MDGA1: variants seen among roughly 807,000 people sequenced by gnomAD.
MDGA1 encodes MAM domain containing glycosylphosphatidylinositol anchor 1, also known as MAM domain-containing glycosylphosphatidylinositol anchor protein 1.
Under a neutral mutation model 101.5 loss-of-function variants are expected in MDGA1, and 54 were observed. The ratio of observed to expected loss-of-function variants is 0.53; its 90% CI spans 0.43 to 0.67. The LOEUF (loss-of-function observed/expected upper bound fraction) is 0.67, where lower values mean the gene tolerates loss of function less well. Among genes scored for constraint, MDGA1 ranks in the 30% least tolerant of loss-of-function variants. The probability of loss-of-function intolerance (pLI) is 0.00; values close to 1 mark genes in which losing one functional copy is unlikely to be tolerated. For synonymous variants in MDGA1, 533 were observed against 558.3 expected, an observed-to-expected ratio of 0.95 and a Z score of 0.64; for missense variants, 1,083 against 1,323.8, an observed-to-expected ratio of 0.82 and a Z score of 2.82.
Position 37,637,272 on chromosome 6 carries a change from C to T in MDGA1, c.*96G>A, listed in dbSNP as rs1763950568. The T allele has an allele frequency of 1.9e-6, 2 of 1,036,510 alleles. No homozygotes were observed. Among genetic ancestry groups the T allele is most frequent in the South Asian group, 2.9e-5 (2 of 68,380 alleles). The allele number at this position is 1,036,510 out of a possible 1,614,324, so 64.2% of individuals were successfully genotyped here. A position where few individuals can be genotyped will look rare whatever the true frequency, so the allele number is the denominator to read the frequency against. On this transcript the variant is annotated 3_prime_UTR_variant, in exon 17 of 17. Coordinates refer to ENST00000434837, the MANE Select transcript of MDGA1 (RefSeq NM_153487.4). ...CCCTCCCTGGCGGGCCGGCCCTGCC[C>T]CTGGGCACCCCAGCTGGCGGGGGTC...
At chr6:37,681,008 C>T (rs987540212) in intron 1 of MDGA1, among the ~76,000 whole-genome samples, 1 of 150,336 alleles carries the variant, frequency 6.7e-6, no homozygotes, top group South Asian at 2.1e-4. Context: ...CCCCCCCCCC[C>T]AGGAAACCTG....
In MDGA1 at chr6:37,636,627, A is replaced by C. The variant is rs898061584; in HGVS notation, c.*741T>G. On this transcript the variant is annotated 3_prime_UTR_variant, in exon 17 of 17. Coordinates refer to ENST00000434837, the MANE Select transcript of MDGA1 (RefSeq NM_153487.4). ...TGGAGTGGGGAAGTTATCAGTCTTC[A>C]GACTGCCCAGGCCCAAGACCCTGTG... The C allele has an allele frequency of 3.3e-5, 5 of 152,642 alleles. No homozygotes were observed. Among genetic ancestry groups the C allele is most frequent in the African/African-American group, 1.2e-4 (5 of 41,454 alleles). The allele number at this position is 152,642 out of a possible 1,614,324, so 9.5% of individuals were successfully genotyped here.
At chr6:37,691,237 C>T (rs540995005) in intron 1 of MDGA1, among the ~76,000 whole-genome samples, 8 of 152,174 alleles carry the variant, frequency 5.3e-5, no homozygotes, top group South Asian at 2.1e-4. Flanking sequence ...TCAGAAGATC[C>T]GGTGGGACTG....
chr6:37,655,361 G>A lies in MDGA1; in HGVS notation c.579+339C>T, dbSNP rs943081472. The stretch of plus-strand genomic sequence containing the variant: ...CCATGGGAAGAGGAGTCATCTCCTC[G>A]CCCCCAGATCCTGCTGTGCCTGGCC... On this transcript the variant is annotated intron_variant, in intron 4 of 16. Coordinates refer to ENST00000434837, the MANE Select transcript of MDGA1 (RefSeq NM_153487.4). The surrounding 1 kb of genome is among the most constrained non-coding windows in gnomAD (Gnocchi z 5.1). 3.9e-5 allele frequency: 13 copies of A among 334,178 alleles called. No individual in the cohort carries two copies. Among genetic ancestry groups the A allele is most frequent in the Non-Finnish European group, 7.1e-5 (13 of 182,786 alleles). 20.7% of individuals were successfully genotyped at this position (334,178 alleles called of 1,614,324 possible).
rs1428771246 is a variant in MDGA1, at chr6:37,697,195, G to A, written c.-384C>T. ...GCGGCGCTTCGATCCAACAGGCCAC[G>A]GACGACTGACAAACTTGTCGTTTCC... On this transcript the variant is annotated 5_prime_UTR_variant, in exon 1 of 17. Coordinates refer to ENST00000434837, the MANE Select transcript of MDGA1 (RefSeq NM_153487.4). 1.0e-5 allele frequency: 2 copies of A among 194,288 alleles called. No homozygotes were observed. Among genetic ancestry groups the A allele is most frequent in the Non-Finnish European group, 2.1e-5 (2 of 96,722 alleles). 12.0% of individuals were successfully genotyped at this position (194,288 alleles called of 1,614,324 possible).
chr6:37,654,186 C>G, intron 6 of MDGA1, 88 bp downstream of exon 6: 2 of 1,409,010 alleles, frequency 1.4e-6, no homozygotes, highest in Non-Finnish European at 1.9e-6. Flanking sequence ...AGCAGACAGG[C>G]CCCTTTCCTA....
At chr6:37,691,102 C>T (rs1367747076) in intron 1 of MDGA1, among the ~76,000 whole-genome samples, 1 of 152,194 alleles carries the variant, frequency 6.6e-6, no homozygotes, top group African/African-American at 2.4e-5. Flanking sequence ...CCTTCTCCTT[C>T]CATCTTATTC....
chr6:37,690,772 CA>C (rs11388608), intron 1 of MDGA1, among the ~76,000 whole-genome samples: 214 of 128,158 alleles, frequency 1.7e-3, no homozygotes, highest in Admixed American at 4.2e-3. Flanking sequence ...GACTCCACCT[CA>C]AAAAAAAAAA....
intron 7 of MDGA1, among the ~76,000 whole-genome samples, chr6:37,651,808 G>A (rs1279714526): frequency 1.3e-5 from 2 of 152,180 alleles, no homozygotes; most frequent in African/African-American, 2.4e-5. Flanking sequence ...TGAGGGCAGA[G>A]CCTGTTTTGC....
intron 1 of MDGA1, among the ~76,000 whole-genome samples, chr6:37,687,438 G>A (rs1396814547): frequency 1.3e-5 from 2 of 151,590 alleles, no homozygotes; most frequent in Non-Finnish European, 2.9e-5. Flanking sequence ...GCATGGTGGT[G>A]TATGCCTGTA....
chr6:37,651,564 C>T (rs1342609004), intron 7 of MDGA1, among the ~76,000 whole-genome samples: 1 of 152,072 alleles, frequency 6.6e-6, no homozygotes, highest in Non-Finnish European at 1.5e-5. Context: ...ATGCCCTAGA[C>T]ATCAGGCCTA....
In MDGA1 at chr6:37,691,856, G is replaced by A. The variant is rs563697018; in HGVS notation, c.67+4889C>T. The stretch of plus-strand genomic sequence containing the variant: ...CCATGCGCCAGGTTTATACAGAGGC[G>A]TTTCTGCAAGGGCACAAGCACCCCC... On this transcript the variant is annotated intron_variant, in intron 1 of 16. Coordinates refer to ENST00000434837, the MANE Select transcript of MDGA1 (RefSeq NM_153487.4). Among the ~76,000 whole-genome samples, 23 of 152,332 alleles carry A rather than the reference G, an allele frequency of 1.5e-4. No individual in the cohort carries two copies. The East Asian group carries it at 3.7e-3, about 24-fold the overall frequency.
rs1260492648 is a variant in MDGA1 at position 37,654,945 on chromosome 6, G to A, written c.580-13C>T. The A allele has an allele frequency of 6.2e-7, 1 of 1,612,342 alleles. No individual in the cohort carries two copies. Among genetic ancestry groups the A allele is most frequent in the Admixed American group, 1.7e-5 (1 of 59,958 alleles). ...CCTTGGTCTCCCCCTGGGCAGCAGT[G>A]GACCACTGGGGTGAGGTGCCTGCTT... On this transcript the variant is annotated splice_polypyrimidine_tract_variant and intron_variant, in intron 4 of 16. Transcript: ENST00000434837.
Position 37,652,061 on chromosome 6 carries a change from C to T in MDGA1, c.1262G>A (p.Gly421Glu), listed in dbSNP as rs1250345189. 8.7e-6 allele frequency: 14 copies of T among 1,611,800 alleles called. No homozygotes were observed. The highest frequency in any genetic ancestry group is 1.2e-5 in the Non-Finnish European group (14 of 1,179,406). ...GTYLCMASFP[G>E]APVPDLSVEV... ...GACGCTGAGGTCGGGCACGGGTGCCCCTGGGAAAGAAGCCATGCACAGGTA... is the reference window on the plus strand; with the variant it reads ...GACGCTGAGGTCGGGCACGGGTGCCTCTGGGAAAGAAGCCATGCACAGGTA... The change falls in exon 7 of 17, where the codon GGG becomes GAG. Residue 421 changes from glycine (G) to glutamate (E), a missense_variant. This residue lies in a region of MDGA1 where 657 missense variants were observed against 771.4 expected (regional missense o/e 0.85). Transcript: ENST00000434837. This position sits in a 1 kb window ranked among gnomAD's most constrained non-coding sequence, Gnocchi z 4.3.
chr6:37,644,449 A>G (rs769839136), intron 13 of MDGA1, 48 bp downstream of exon 13: 1 of 1,469,936 alleles, frequency 6.8e-7, no homozygotes, highest in Non-Finnish European at 9.0e-7. Flanking sequence ...GGGCCTAGAC[A>G]CCCCCCTGAA....
chr6:37,694,235 G>A (rs1217683332), intron 1 of MDGA1, among the ~76,000 whole-genome samples: 2 of 152,140 alleles, frequency 1.3e-5, no homozygotes, highest in Non-Finnish European at 2.9e-5. Flanking sequence ...TCTCTTCTAG[G>A]GCTGCAGGAT....
chr6:37,683,576 T>C (rs1005969649), intron 1 of MDGA1, among the ~76,000 whole-genome samples: 2 of 152,208 alleles, frequency 1.3e-5, no homozygotes, highest in Non-Finnish European at 2.9e-5. Flanking sequence ...GTGTGTGCAG[T>C]GGTTTAGGAG....
intron 1 of MDGA1, among the ~76,000 whole-genome samples, chr6:37,675,885 A>C (rs4714091): frequency 6.6e-6 from 1 of 152,104 alleles, no homozygotes; most frequent in East Asian, 1.9e-4. Context: ...AGATCTGACA[A>C]GCCTGCACCT....
rs1200671543 is a variant in MDGA1, at chr6:37,635,666, T to G, written c.*1702A>C. 2 of 398,600 alleles carry G rather than the reference T, an allele frequency of 5.0e-6. No homozygotes were observed. The highest frequency in any genetic ancestry group is 8.8e-6 in the Non-Finnish European group (2 of 226,120). 24.7% of individuals were successfully genotyped at this position (398,600 alleles called of 1,614,324 possible). On this transcript the variant is annotated 3_prime_UTR_variant, in exon 17 of 17. Transcript: ENST00000434837. ...TGCTGCCCGAGTTCCAGGCCTCTTC[T>G]CTGCAGCTGTCCCCACCAAATGCTC...
Sources: gnomAD v4.1 joint callset for allele counts (sites outside exome capture counted in the v4.1 genomes callset) on GRCh38, gnomAD v4.1.1 for gene constraint, gnomAD v4.1.1 regional missense constraint, Gnocchi (gnomAD v3.1) non-coding constraint, MANE v1.5 for transcripts, NCBI Gene and HGNC (gene_info 2026-07-23, HGNC 2026-07-21) for gene names.